Variants in N4BP1 observed in about 807,000 individuals in gnomAD.
N4BP1 encodes the protein NEDD4 binding protein 1.
A neutral mutation model predicts 70.9 loss-of-function variants in N4BP1; 21 were observed. That is an observed-to-expected ratio of 0.30 (90% CI 0.21 to 0.43). N4BP1 has a LOEUF of 0.43. Ranked by LOEUF, N4BP1 falls within the 20% of genes least tolerant of loss-of-function variation. N4BP1 has a pLI of 1.00. For synonymous variants in N4BP1, 387 were observed against 394.6 expected, an observed-to-expected ratio of 0.98 and a Z score of 0.23; for missense variants, 936 against 1,069.4, an observed-to-expected ratio of 0.88 and a Z score of 1.74.
At chr16:48,574,834 G>C (rs1241659304) in intron 1 of N4BP1, among the ~76,000 whole-genome samples, 1 of 152,174 alleles carries the variant, frequency 6.6e-6, no homozygotes, top group East Asian at 1.9e-4. Flanking sequence ...TTAAGTAAGA[G>C]TCAGATCCTC....
chr16:48,583,113 A>G (rs1450303015), intron 1 of N4BP1, among the ~76,000 whole-genome samples: 3 of 152,182 alleles, frequency 2.0e-5, no homozygotes, highest in African/African-American at 7.2e-5. Context: ...ATAAAATAAT[A>G]AAAGAGAAAA....
intron 1 of N4BP1, among the ~76,000 whole-genome samples, chr16:48,606,553 G>C (rs560117639): frequency 6.6e-6 from 1 of 152,330 alleles, no homozygotes; most frequent in Admixed American, 6.5e-5. Context: ...TCAAAAGCCA[G>C]CTGAAGTACT....
intron 1 of N4BP1, among the ~76,000 whole-genome samples, chr16:48,562,959 GAAGC>G (rs1055116625): frequency 2.0e-5 from 3 of 147,224 alleles, no homozygotes; most frequent in Non-Finnish European, 4.4e-5. Context: ...AGTTTATTAA[GAAGC>G]AAGAATAACA....
At chr16:48,600,227 C>T (rs1940205767) in intron 1 of N4BP1, 38 of 791,036 alleles carry the variant, frequency 4.8e-5, no homozygotes, top group South Asian at 4.7e-4. Context: ...TGATGTTCAT[C>T]CGCAACGACT....
chr16:48,544,907 A>T (rs1963566471), intron 6 of N4BP1, among the ~76,000 whole-genome samples: 1 of 152,170 alleles, frequency 6.6e-6, no homozygotes, highest in African/African-American at 2.4e-5. Context: ...TCACACATAC[A>T]TGATGAACCT....
At chr16:48,548,144 G>T in intron 4 of N4BP1, 30 bp from the exon 5 acceptor site, 1 of 1,274,268 alleles carries the variant, frequency 7.8e-7, no homozygotes, top group African/African-American at 1.5e-5. Context: ...TTTAAAATCA[G>T]CAACAGGCAT....
At chr16:48,581,941 A>C (rs958472616) in intron 1 of N4BP1, among the ~76,000 whole-genome samples, 1 of 152,212 alleles carries the variant, frequency 6.6e-6, no homozygotes, top group African/African-American at 2.4e-5. Flanking sequence ...GGCTACAAAA[A>C]CAAAAATAGA....
chr16:48,573,574 CAG>C (rs1404262330), intron 1 of N4BP1, among the ~76,000 whole-genome samples: 1 of 152,094 alleles, frequency 6.6e-6, no homozygotes, highest in Admixed American at 6.5e-5. Context: ...GCCTGGGTAA[CAG>C]AGTGAGACTT....
At chr16:48,549,406 C>T (rs879311004) in intron 4 of N4BP1, among the ~76,000 whole-genome samples, 1 of 152,138 alleles carries the variant, frequency 6.6e-6, no homozygotes, top group Non-Finnish European at 1.5e-5. Flanking sequence ...AACATATATG[C>T]ATGTTCTCTA....
intron 4 of N4BP1, 147 bp from the exon 5 acceptor site, chr16:48,548,261 CAACTGAAG>C (rs1963617429): frequency 1.7e-6 from 1 of 592,640 alleles, no homozygotes; most frequent in African/African-American, 1.9e-5. Context: ...TAGCCCCTAT[CAACTGAAG>C]ATCAATCAGA....
intron 3 of N4BP1, among the ~76,000 whole-genome samples, chr16:48,552,388 CAG>C (rs1963681515): frequency 1.3e-5 from 2 of 152,082 alleles, no homozygotes; most frequent in East Asian, 3.9e-4. Context: ...TTAAGCAATG[CAG>C]AGCACATAAG....
chr16:48,586,144 G>A (rs1416285207), intron 1 of N4BP1, among the ~76,000 whole-genome samples: 1 of 152,190 alleles, frequency 6.6e-6, no homozygotes, highest in African/African-American at 2.4e-5. Context: ...AAGTAAGACA[G>A]ACACAGAATT....
intron 1 of N4BP1, chr16:48,600,612 A>G (rs1399490481): frequency 7.3e-6 from 4 of 545,124 alleles, no homozygotes; most frequent in African/African-American, 1.9e-5. Flanking sequence ...AAAACAGTAC[A>G]GCAGTTACAA....
At chr16:48,546,461 G>A (rs1963593438) in intron 5 of N4BP1, 5 of 380,784 alleles carry the variant, frequency 1.3e-5, no homozygotes, top group Non-Finnish European at 1.4e-5. Flanking sequence ...TAGTCAGAAC[G>A]TTTTATCAGC....
intron 1 of N4BP1, among the ~76,000 whole-genome samples, chr16:48,576,253 T>C (rs1396131015): frequency 1.3e-5 from 2 of 152,184 alleles, no homozygotes; most frequent in African/African-American, 4.8e-5. Context: ...ATTAGTAAGA[T>C]TGCTATCAAA....
chr16:48,550,011 C>A (rs906581903), intron 4 of N4BP1, among the ~76,000 whole-genome samples: 1 of 152,192 alleles, frequency 6.6e-6, no homozygotes, highest in Non-Finnish European at 1.5e-5. Context: ...AATTTCATAC[C>A]ATGAGGAGGA....
At chr16:48,583,470 A>G (rs1412674112) in intron 1 of N4BP1, among the ~76,000 whole-genome samples, 1 of 152,208 alleles carries the variant, frequency 6.6e-6, no homozygotes, top group African/African-American at 2.4e-5. Context: ...GAATAAATTC[A>G]AGAGAACTAT....
At position 48,577,116 on chromosome 16, in the gene N4BP1, C is replaced by G. The variant is rs1002931395; in HGVS notation, c.199-14672G>C. On this transcript the variant is annotated intron_variant, in intron 1 of 6. Coordinates refer to ENST00000262384, the MANE Select transcript of N4BP1 (RefSeq NM_153029.4). ...GCCCCATTTCACTGGCAATCCCTTG[C>G]CTTCCTCATCTGCCCCCATTCAAAC... is the stretch of plus-strand genomic sequence containing the variant. Among the ~76,000 whole-genome samples, 4 of 152,266 alleles carry G rather than the reference C, an allele frequency of 2.6e-5. No individual in the cohort carries two copies. In the South Asian group the frequency reaches 8.3e-4, roughly 32 times the overall value.
rs1005678486 is a variant in N4BP1, at chr16:48,609,797, T to C, written c.176A>G (p.Gln59Arg). ...CACCTTGGCGCTGTGCACCGCCTCC[T>C]GCGCCCCGCAGAGCTGCAGCCAGAT... Reference protein sequence around the residue: ...ARIWLQLCGAQEAVHSAKEYI... With the variant: ...ARIWLQLCGAREAVHSAKEYI... Residue 59 changes from glutamine to arginine, a missense_variant, in exon 1 of 7, where the codon CAG becomes CGG. Gln to Arg is a conservative substitution (Grantham distance 43). Around this residue, in one of 4 missense-constraint regions of N4BP1, gnomAD observed 187 missense variants for 217.1 expected, o/e 0.86. Transcript: ENST00000262384. 5 of 1,465,564 alleles carry C rather than the reference T, an allele frequency of 3.4e-6. No homozygotes were observed. Among genetic ancestry groups the C allele is most frequent in the Non-Finnish European group, 9.0e-7 (1 of 1,112,304 alleles). The allele number at this position is 1,465,564 out of a possible 1,614,324, so 90.8% of individuals were successfully genotyped here.
Sources: gnomAD v4.1 joint callset for allele counts (sites outside exome capture counted in the v4.1 genomes callset) on GRCh38, gnomAD v4.1.1 for gene constraint, gnomAD v4.1.1 regional missense constraint, MANE v1.5 for transcripts, NCBI Gene and HGNC (gene_info 2026-07-23, HGNC 2026-07-21) for gene names.